Variants in APOO observed in about 807,000 individuals in gnomAD.
The protein encoded by APOO is MICOS complex subunit MIC26.
A neutral mutation model predicts 23.1 loss-of-function variants in APOO; 11 were observed. The ratio of observed to expected loss-of-function variants is 0.48; its 90% CI spans 0.30 to 0.79. The LOEUF (loss-of-function observed/expected upper bound fraction) is 0.79, where lower values mean the gene tolerates loss of function less well. Among genes scored for constraint, APOO ranks in the 30% least tolerant of loss-of-function variants. The pLI, the probability that APOO is intolerant of heterozygous loss-of-function variation, is 0.07. For synonymous variants in APOO, 59 were observed against 54.8 expected (o/e 1.08, Z -0.34); for missense variants, 160 against 142.7 (o/e 1.12, Z -0.62).
chrX:23,860,587 A>G (rs948597214), intron 5 of APOO, among the ~76,000 whole-genome samples: 10 of 109,572 alleles, frequency 9.1e-5, no homozygotes, highest in African/African-American at 2.6e-4. Context: ...ATCATGGCTC[A>G]CTGCAGCCTC....
rs11338273 is a variant in APOO, at chrX:23,888,849, C to CAA, written c.10-7899_10-7898dup. ...TGGGCAACAGAGTGAGATTTCATCT[C>CAA]AAAAAAAAAAAAAAAAAAAAAAGAT... is the stretch of plus-strand genomic sequence containing the variant. On this transcript the variant is annotated intron_variant, in intron 1 of 8. Transcript: ENST00000379226. 2.8e-3 allele frequency among the ~76,000 whole-genome samples: 116 copies of CAA among 41,150 alleles called. 1 individual carries two copies. The highest frequency in any genetic ancestry group is 8.6e-3 in the East Asian group (10 of 1,157). 35.7% of individuals were successfully genotyped at this position (41,150 alleles called of 115,157 possible).
intron 5 of APOO, among the ~76,000 whole-genome samples, chrX:23,860,285 G>A (rs192157453): frequency 9.1e-6 from 1 of 110,474 alleles, no homozygotes; most frequent in African/African-American, 3.3e-5. Flanking sequence ...ACGCAAGTCC[G>A]ATGCATGGAC....
chrX:23,904,487 G>C (rs1367701181), intron 1 of APOO, among the ~76,000 whole-genome samples: 1 of 106,742 alleles, frequency 9.4e-6, no homozygotes, highest in African/African-American at 3.4e-5. Flanking sequence ...AGAAGAGATG[G>C]GTCCTTGATG....
intron 1 of APOO, among the ~76,000 whole-genome samples, chrX:23,904,525 T>C (rs1449107124): frequency 9.9e-6 from 1 of 101,453 alleles, no homozygotes; most frequent in East Asian, 3.1e-4. Flanking sequence ...TTTTTTTTTT[T>C]TGGGACGGAG....
chrX:23,890,424 G>T (rs1429872930), intron 1 of APOO, among the ~76,000 whole-genome samples: 1 of 111,965 alleles, frequency 8.9e-6, no homozygotes, highest in Non-Finnish European at 1.9e-5. Flanking sequence ...GACTAGAAGG[G>T]CCACGAGAAG....
intron 7 of APOO, among the ~76,000 whole-genome samples, chrX:23,844,413 C>G (rs971245480): frequency 5.4e-5 from 6 of 110,671 alleles, no homozygotes; most frequent in African/African-American, 2.0e-4. Context: ...AATCAGTTGC[C>G]CTTAAAATAG....
intron 1 of APOO, among the ~76,000 whole-genome samples, chrX:23,896,978 C>T (rs772560922): frequency 9.0e-6 from 1 of 110,993 alleles, no homozygotes; most frequent in African/African-American, 3.3e-5. Context: ...AAAACTCTTC[C>T]TAATACAACA....
rs766985305 is a variant in APOO, at chrX:23,835,626, TA to T, written c.*30-2015del. Reference sequence around the variant, plus strand: ...ATTAAGCAACTAGAGAAGGAATGCGTAGCTCTATTAAGTACTGACAGGGAAA... The same window carrying T: ...ATTAAGCAACTAGAGAAGGAATGCGTGCTCTATTAAGTACTGACAGGGAAA... On this transcript the variant is annotated intron_variant, in intron 8 of 8. Coordinates refer to ENST00000379226, the MANE Select transcript of APOO (RefSeq NM_024122.5). Among the ~76,000 whole-genome samples, 13 of 111,564 alleles carry T rather than the reference TA, an allele frequency of 1.2e-4. No homozygotes were observed. In the East Asian group the frequency reaches 3.1e-3, roughly 26 times the overall value.
intron 1 of APOO, among the ~76,000 whole-genome samples, chrX:23,896,354 C>CA (rs1926906869): frequency 9.0e-6 from 1 of 110,644 alleles, no homozygotes; most frequent in Non-Finnish European, 1.9e-5. Flanking sequence ...GAAGTTTTTA[C>CA]AAAAAAACCA....
chrX:23,855,286 A>G (rs968288963), intron 7 of APOO, among the ~76,000 whole-genome samples: 1 of 109,888 alleles, frequency 9.1e-6, no homozygotes, highest in African/African-American at 3.3e-5. Flanking sequence ...TGGACTCCCA[A>G]TGTGCTGGGC....
intron 1 of APOO, among the ~76,000 whole-genome samples, chrX:23,882,265 C>T (rs770995258): frequency 8.9e-6 from 1 of 112,197 alleles, no homozygotes; most frequent in Non-Finnish European, 1.9e-5. Flanking sequence ...TGGCTTTCAG[C>T]TCTTTATTTG....
intron 1 of APOO, among the ~76,000 whole-genome samples, chrX:23,894,062 T>C (rs1202008907): frequency 2.7e-5 from 3 of 111,727 alleles, no homozygotes; most frequent in African/African-American, 9.8e-5. Context: ...AGCAGTTACC[T>C]TGATAAATCA....
intron 7 of APOO, among the ~76,000 whole-genome samples, chrX:23,841,588 G>A (rs759101334): frequency 1.9e-5 from 2 of 107,182 alleles, no homozygotes; most frequent in Non-Finnish European, 3.8e-5. Flanking sequence ...AAGGCCATAC[G>A]AACTGCTTGG....
At chrX:23,835,136 AC>A (rs1923599394) in intron 8 of APOO, among the ~76,000 whole-genome samples, 1 of 103,195 alleles carries the variant, frequency 9.7e-6, no homozygotes, top group South Asian at 4.5e-4. Context: ...CTCTCGGTTC[AC>A]CGCAACCTCC....
At chrX:23,839,437 C>G (rs1923868634) in intron 8 of APOO, among the ~76,000 whole-genome samples, 2 of 111,065 alleles carry the variant, frequency 1.8e-5, no homozygotes, top group Non-Finnish European at 3.8e-5. Context: ...GTTTATGTGA[C>G]TCTTTGGGTC....
chrX:23,852,901 C>T (rs1924609044), intron 7 of APOO, among the ~76,000 whole-genome samples: 1 of 110,406 alleles, frequency 9.1e-6, no homozygotes, highest in African/African-American at 3.3e-5. Flanking sequence ...AGAATATACT[C>T]AGCTCCAAGG....
intron 3 of APOO, among the ~76,000 whole-genome samples, chrX:23,877,844 T>C (rs764979804): frequency 1.3e-4 from 15 of 111,468 alleles, no homozygotes; most frequent in South Asian, 7.5e-4. Context: ...ATTTCCCACA[T>C]ATCTACATCT....
intron 1 of APOO, among the ~76,000 whole-genome samples, chrX:23,892,337 C>T (rs909732660): frequency 4.7e-5 from 4 of 85,574 alleles, no homozygotes; most frequent in Admixed American, 1.3e-4. Context: ...CTGCAACCTC[C>T]GCCGTCTCTC....
intron 1 of APOO, among the ~76,000 whole-genome samples, chrX:23,902,522 G>A (rs1485776973): frequency 1.8e-5 from 2 of 111,473 alleles, no homozygotes; most frequent in African/African-American, 3.3e-5. Flanking sequence ...ATCTAATAAC[G>A]TGAATCTGGG....
Sources: allele counts gnomAD v4.1 joint callset (sites outside exome capture counted in the v4.1 genomes callset), GRCh38; gene constraint gnomAD v4.1.1; transcripts MANE v1.5; gene names NCBI Gene and HGNC (gene_info 2026-07-23, HGNC 2026-07-21).